The following TAOK3 variants were observed in gnomAD, a reference collection of about 807,000 sequenced individuals.
The protein encoded by TAOK3 is TAO kinase 3.
Under a neutral mutation model 120.4 loss-of-function variants are expected in TAOK3, and 40 were observed. The ratio of observed to expected loss-of-function variants is 0.33; its 90% CI spans 0.26 to 0.43. The LOEUF (loss-of-function observed/expected upper bound fraction) is 0.43. Ranked by LOEUF, TAOK3 falls within the 20% of genes least tolerant of loss-of-function variation. The pLI is 1.00. For missense variants in TAOK3, 821 were observed against 1,112.1 expected (o/e 0.74, Z 3.72); for synonymous variants, 355 against 387.5 (o/e 0.92, Z 0.99).
At chr12:118,235,897 G>A (rs1203381571) in intron 7 of TAOK3, 5 of 434,644 alleles carry the variant, frequency 1.2e-5, no homozygotes, top group South Asian at 3.4e-5. Context: ...TTACTTAAAG[G>A]TAGAGCTTTC....
intron 1 of TAOK3, among the ~76,000 whole-genome samples, chr12:118,269,155 T>C (rs746801400): frequency 5.3e-5 from 8 of 151,210 alleles, no homozygotes; most frequent in Non-Finnish European, 8.8e-5. Flanking sequence ...TTCTCTCTCT[T>C]TCTTTCTTTC....
At chr12:118,368,220 G>A (rs2045794789) in intron 1 of TAOK3, among the ~76,000 whole-genome samples, 1 of 152,032 alleles carries the variant, frequency 6.6e-6, no homozygotes, top group Admixed American at 6.6e-5. Context: ...TTTTTGAGAC[G>A]GAGTCTCGCT....
At chr12:118,207,377 G>A (rs1318212641) in intron 11 of TAOK3, among the ~76,000 whole-genome samples, 1 of 150,494 alleles carries the variant, frequency 6.6e-6, no homozygotes, top group Non-Finnish European at 1.5e-5. Flanking sequence ...CTACCATCTC[G>A]AAATAAATAC....
rs1343084308 is a variant in TAOK3, at chr12:118,210,900, A to C, written c.819+2014T>G. 1.3e-5 allele frequency among the ~76,000 whole-genome samples: 2 copies of C among 151,836 alleles called. 1 individual carries two copies. Among genetic ancestry groups the C allele is most frequent in the African/African-American group, 4.8e-5 (2 of 41,364 alleles). ...AATATAGGTGCCTGCCACCATGCCC[A>C]GCTAATTTTTGTATTTTTAGTAGAG... is the stretch of plus-strand genomic sequence containing the variant. On this transcript the variant is annotated intron_variant, in intron 11 of 20. Transcript: ENST00000392533.
At chr12:118,343,584 C>T (rs984036388) in intron 1 of TAOK3, among the ~76,000 whole-genome samples, 1 of 152,052 alleles carries the variant, frequency 6.6e-6, no homozygotes, top group African/African-American at 2.4e-5. Context: ...CACCTGCAAA[C>T]TGCAGAATAA....
chr12:118,325,871 G>T (rs2043915399), intron 1 of TAOK3, among the ~76,000 whole-genome samples: 1 of 151,988 alleles, frequency 6.6e-6, no homozygotes, highest in Non-Finnish European at 1.5e-5. Flanking sequence ...TAGAGGCAGG[G>T]GTTTCACTAT....
intron 1 of TAOK3, among the ~76,000 whole-genome samples, chr12:118,332,860 C>A (rs1212750254): frequency 2.0e-5 from 3 of 152,062 alleles, no homozygotes; most frequent in African/African-American, 7.2e-5. Context: ...ATAAAGTGGA[C>A]TTCAGAGAAA....
intron 1 of TAOK3, among the ~76,000 whole-genome samples, chr12:118,361,874 C>A (rs2045609732): frequency 6.6e-6 from 1 of 151,668 alleles, no homozygotes; most frequent in Admixed American, 6.6e-5. Context: ...GGGTATGGAT[C>A]CCATCACCCA....
At chr12:118,185,775 C>T (rs928310279) in intron 14 of TAOK3, among the ~76,000 whole-genome samples, 6 of 152,188 alleles carry the variant, frequency 3.9e-5, no homozygotes, top group Admixed American at 6.5e-5. Flanking sequence ...CTCATTCATT[C>T]GTTCATTCAT....
At chr12:118,224,151 A>G (rs2039388702) in intron 9 of TAOK3, among the ~76,000 whole-genome samples, 3 of 152,246 alleles carry the variant, frequency 2.0e-5, no homozygotes, top group South Asian at 4.1e-4. Flanking sequence ...CAGCTAAGTA[A>G]CAAAACCAAA....
intron 1 of TAOK3, chr12:118,283,699 C>A: frequency 5.7e-6 from 1 of 176,138 alleles, no homozygotes; most frequent in South Asian, 1.1e-4. Flanking sequence ...CACTGCACTC[C>A]AGCCTGGTGA....
intron 15 of TAOK3, among the ~76,000 whole-genome samples, chr12:118,177,678 C>T (rs2036432290): frequency 6.6e-6 from 1 of 151,946 alleles, no homozygotes; most frequent in African/African-American, 2.4e-5. Context: ...ACAAAATTAG[C>T]TGGGCGTGGT....
chr12:118,282,778 G>A (rs12305529), intron 1 of TAOK3, among the ~76,000 whole-genome samples: 4,517 of 152,182 alleles, frequency 0.03, 192 homozygotes, highest in African/African-American at 0.093. Context: ...CCCTGAGCTT[G>A]CAAGATTCAA....
At chr12:118,338,909 A>G (rs183113937) in intron 1 of TAOK3, among the ~76,000 whole-genome samples, 2 of 151,112 alleles carry the variant, frequency 1.3e-5, no homozygotes, top group Non-Finnish European at 2.9e-5. Context: ...AAGATAGGAG[A>G]TGGGAAGTGG....
At chr12:118,275,435 C>T (rs1456308517) in intron 1 of TAOK3, among the ~76,000 whole-genome samples, 1 of 152,100 alleles carries the variant, frequency 6.6e-6, no homozygotes, top group East Asian at 1.9e-4. Context: ...TGCCTGGCTG[C>T]CCCATTATTC....
intron 2 of TAOK3, among the ~76,000 whole-genome samples, chr12:118,264,270 C>A (rs982085799): frequency 3.3e-5 from 5 of 152,126 alleles, no homozygotes; most frequent in African/African-American, 1.2e-4. Flanking sequence ...CAATACAAAG[C>A]CATGTATACA....
chr12:118,340,653 C>G (rs1694333511), intron 1 of TAOK3, among the ~76,000 whole-genome samples: 1 of 151,982 alleles, frequency 6.6e-6, no homozygotes, highest in Non-Finnish European at 1.5e-5. Flanking sequence ...TCATACCCAG[C>G]TTTAACAGTT....
intron 2 of TAOK3, among the ~76,000 whole-genome samples, chr12:118,266,432 C>T (rs1002701646): frequency 4.6e-5 from 7 of 151,874 alleles, no homozygotes; most frequent in African/African-American, 1.7e-4. Flanking sequence ...GAACTCCTGA[C>T]CTCAGGTGAT....
At chr12:118,317,289 G>T (rs986801324) in intron 1 of TAOK3, among the ~76,000 whole-genome samples, 6 of 136,296 alleles carry the variant, frequency 4.4e-5, no homozygotes, top group Non-Finnish European at 4.7e-5. Flanking sequence ...AAAAAAAATC[G>T]CTGGGAGAAT....
Sources: gnomAD v4.1 joint callset for allele counts (sites outside exome capture counted in the v4.1 genomes callset) on GRCh38, gnomAD v4.1.1 for gene constraint, MANE v1.5 for transcripts, NCBI Gene and HGNC (gene_info 2026-07-23, HGNC 2026-07-21) for gene names.